UCK2: variants seen among roughly 807,000 people sequenced by gnomAD.
UCK2 encodes the protein cytidine monophosphokinase 2.
Under a neutral mutation model 30.8 loss-of-function variants are expected in UCK2, and 6 were observed. That is an observed-to-expected ratio of 0.19 (90% confidence interval 0.11 to 0.38). The LOEUF is 0.38. UCK2 is among the 10% of genes least tolerant of loss of function. The probability of loss-of-function intolerance (pLI) is 1.00; values close to 1 mark genes in which losing one functional copy is unlikely to be tolerated. For synonymous variants in UCK2, 125 were observed against 133.6 expected (o/e 0.94, Z 0.45); for missense variants, 210 against 339.8 (o/e 0.62, Z 3.00).
intron 1 of UCK2, among the ~76,000 whole-genome samples, chr1:165,836,882 A>C (rs2101849679): frequency 6.6e-6 from 1 of 152,360 alleles, no homozygotes; most frequent in African/African-American, 2.4e-5. Flanking sequence ...CTGGAGGCTA[A>C]GAAGTCCAAG....
chr1:165,881,083 G>A lies in UCK2; in HGVS notation c.100-9121G>A, dbSNP rs542552294. Among the ~76,000 whole-genome samples, 4 of 149,146 alleles carry A rather than the reference G, an allele frequency of 2.7e-5. No individual in the cohort carries two copies. The East Asian group carries it at 6.1e-4, about 23-fold the overall frequency. Reference sequence around the variant, plus strand: ...AGCTACTCGTTAAGCTGAGGCAGACGAATTGTTTGAACCTGGGAGGCAGAG... The same window carrying A: ...AGCTACTCGTTAAGCTGAGGCAGACAAATTGTTTGAACCTGGGAGGCAGAG... On this transcript the variant is annotated intron_variant, in intron 1 of 6. Coordinates refer to ENST00000367879, the MANE Select transcript of UCK2 (RefSeq NM_012474.5).
intron 1 of UCK2, among the ~76,000 whole-genome samples, chr1:165,875,907 CAG>C (rs1389949517): frequency 5.9e-5 from 9 of 152,088 alleles, no homozygotes; most frequent in Admixed American, 2.0e-4. Context: ...TTAGCCCTCT[CAG>C]GGGAGGGTTT....
rs565574276 is a variant in UCK2, at chr1:165,907,879, G to T, written c.*56G>T. On this transcript the variant is annotated 3_prime_UTR_variant, in exon 7 of 7. Transcript: ENST00000367879. ...CCAAGAGACAGAGGAGGGGTCAGGA[G>T]GCACTGCTCATCTGTACATACTGTT... The T allele has an allele frequency of 6.2e-7, 1 of 1,600,784 alleles. No individual in the cohort carries two copies. The highest frequency in any genetic ancestry group is 8.5e-7 in the Non-Finnish European group (1 of 1,172,198).
At chr1:165,902,371 T>C (rs112952206) in intron 4 of UCK2, among the ~76,000 whole-genome samples, 14,466 of 151,536 alleles carry the variant, frequency 0.095, 2,299 homozygotes, top group African/African-American at 0.33. Flanking sequence ...ATGACTGTGC[T>C]ACTGCACTAC....
chr1:165,836,731 A>G (rs894194088), intron 1 of UCK2, among the ~76,000 whole-genome samples: 2 of 152,194 alleles, frequency 1.3e-5, no homozygotes, highest in Non-Finnish European at 2.9e-5. Flanking sequence ...GTGAAAAAGT[A>G]TGCTTGCTTT....
chr1:165,828,551 A>G (rs1653957477), intron 1 of UCK2, among the ~76,000 whole-genome samples: 2 of 152,216 alleles, frequency 1.3e-5, no homozygotes, highest in Admixed American at 6.5e-5. Context: ...CAATGAAACG[A>G]TAATAGTAGG....
chr1:165,878,684 T>C (rs1655400175), intron 1 of UCK2, among the ~76,000 whole-genome samples: 1 of 152,262 alleles, frequency 6.6e-6, no homozygotes, highest in African/African-American at 2.4e-5. Flanking sequence ...CATTCCATTG[T>C]CTAGCTGTAC....
chr1:165,859,642 T>C (rs1190247412), intron 1 of UCK2, among the ~76,000 whole-genome samples: 1 of 151,928 alleles, frequency 6.6e-6, no homozygotes, highest in African/African-American at 2.4e-5. Flanking sequence ...GGCAACATGG[T>C]AAAATTCTTG....
rs201608728 is a variant in UCK2, at chr1:165,896,223, C to T, written c.390C>T (p.Asp130=). 3.1e-6 allele frequency: 5 copies of T among 1,614,194 alleles called. No individual in the cohort carries two copies. The highest frequency in any genetic ancestry group is 1.3e-5 in the African/African-American group (1 of 75,050). Residue 130 remains aspartate, a synonymous_variant, in exon 4 of 7, where the codon GAC becomes GAT. Transcript: ENST00000367879. ...KEETVTVYPA[D]VVLFEGILAF... is the part of the protein sequence containing the mutation. ...AGACAGTTACTGTCTATCCCGCAGA[C>T]GTGGTGCTCTTTGAAGGGATCCTGG...
intron 1 of UCK2, among the ~76,000 whole-genome samples, chr1:165,842,210 C>G (rs756105197): frequency 6.6e-6 from 1 of 152,198 alleles, no homozygotes; most frequent in Non-Finnish European, 1.5e-5. Flanking sequence ...CCTTTTCTGC[C>G]TATGGCTGTG....
chr1:165,848,644 A>ACC (rs1654511307), intron 1 of UCK2, among the ~76,000 whole-genome samples: 1 of 151,220 alleles, frequency 6.6e-6, no homozygotes, highest in African/African-American at 2.4e-5. Context: ...CAAACAAAAC[A>ACC]CACACACACA....
intron 1 of UCK2, among the ~76,000 whole-genome samples, chr1:165,831,710 A>G (rs1654051277): frequency 6.6e-6 from 1 of 152,168 alleles, no homozygotes; most frequent in Admixed American, 6.5e-5. Context: ...CAAACACTTC[A>G]GTACAGTACA....
intron 1 of UCK2, among the ~76,000 whole-genome samples, chr1:165,888,054 C>T (rs1281079789): frequency 6.6e-6 from 1 of 152,122 alleles, no homozygotes; most frequent in African/African-American, 2.4e-5. Flanking sequence ...TATAACAGGA[C>T]GTATTTTGCA....
chr1:165,874,512 G>C (rs1049419533), intron 1 of UCK2, among the ~76,000 whole-genome samples: 1 of 152,038 alleles, frequency 6.6e-6, no homozygotes, highest in African/African-American at 2.4e-5. Flanking sequence ...CCAAAACAAA[G>C]GTCTCCATCC....
At chr1:165,902,637 G>C (rs930919893) in intron 4 of UCK2, 1 of 108,430 alleles carries the variant, frequency 9.2e-6, no homozygotes, top group African/African-American at 3.4e-5. Context: ...CTCTGTGCAT[G>C]AGGTAGGTGG....
intron 1 of UCK2, among the ~76,000 whole-genome samples, chr1:165,872,289 G>A (rs1655215437): frequency 6.6e-6 from 1 of 152,136 alleles, no homozygotes; most frequent in African/African-American, 2.4e-5. Flanking sequence ...TGGCCAGGCT[G>A]GTCTTGAACT....
chr1:165,852,893 T>C (rs938235471), intron 1 of UCK2, among the ~76,000 whole-genome samples: 4 of 152,240 alleles, frequency 2.6e-5, no homozygotes, highest in Non-Finnish European at 5.9e-5. Flanking sequence ...TTATGATTAA[T>C]GGATAGTCAA....
chr1:165,830,055 G>T lies in UCK2; in HGVS notation c.99+2123G>T, dbSNP rs529631049. On this transcript the variant is annotated intron_variant, in intron 1 of 6. Transcript: ENST00000367879. ...GGGTCTCACTCTTTTGCCCAGGCTG[G>T]AGTGCCGTGGTGAGATCTTGGCTTA... Among the ~76,000 whole-genome samples, 5 of 152,188 alleles carry T rather than the reference G, an allele frequency of 3.3e-5. No homozygotes were observed. The East Asian group carries it at 9.6e-4, about 29-fold the overall frequency.
chr1:165,902,855 T>C, intron 4 of UCK2: 1 of 208,676 alleles, frequency 4.8e-6, no homozygotes, highest in South Asian at 8.5e-5. Context: ...TCTCCAGGAG[T>C]GCCCTGCTTT....
Sources: allele counts gnomAD v4.1 joint callset (sites outside exome capture counted in the v4.1 genomes callset), GRCh38; gene constraint gnomAD v4.1.1; transcripts MANE v1.5; gene names NCBI Gene and HGNC (gene_info 2026-07-23, HGNC 2026-07-21).